The following ARRB1 variants were observed in gnomAD, a reference collection of about 807,000 sequenced individuals.
The protein encoded by ARRB1 is beta-arrestin-1.
ARRB1 carries 21 observed loss-of-function variants against 56.8 expected under a neutral mutation model. The ratio of observed to expected loss-of-function variants is 0.37; its 90% confidence interval spans 0.26 to 0.53. The LOEUF (loss-of-function observed/expected upper bound fraction) is 0.53, where lower values mean the gene tolerates loss of function less well. ARRB1 is among the 20% of genes least tolerant of loss of function. The pLI is 0.88. For synonymous variants in ARRB1, 210 were observed against 218.6 expected (o/e 0.96, Z 0.35); for missense variants, 424 against 553.7 (o/e 0.77, Z 2.35).
rs1945796055 is a variant in ARRB1, at chr11:75,261,737, T to C, written c.*4426A>G. 1.3e-5 allele frequency: 2 copies of C among 152,246 alleles called. No individual in the cohort carries two copies. The highest frequency in any genetic ancestry group is 6.5e-5 in the Admixed American group (1 of 15,274). The allele number at this position is 152,246 out of a possible 1,614,324, so 9.4% of individuals were successfully genotyped here. On this transcript the variant is annotated 3_prime_UTR_variant, in exon 16 of 16. Transcript: ENST00000420843. ...TGGTAGAGGTGGGGTCCTGCCACTT[T>C]CGTCCAGGAGGAATGGCAGAAGAGA... is the stretch of plus-strand genomic sequence containing the variant.
chr11:75,308,736 A>C (rs1474882783), intron 1 of ARRB1, among the ~76,000 whole-genome samples: 2 of 150,644 alleles, frequency 1.3e-5, no homozygotes, highest in Non-Finnish European at 3.0e-5. Context: ...CAGAGTGAGA[A>C]TCCATCTCAA....
chr11:75,290,730 C>G (rs1018874333), intron 1 of ARRB1, among the ~76,000 whole-genome samples: 30 of 152,158 alleles, frequency 2.0e-4, no homozygotes, highest in Non-Finnish European at 3.7e-4. Context: ...CACAGGCACA[C>G]GCCACCACCC....
At chr11:75,347,276 G>A (rs939694328) in intron 1 of ARRB1, among the ~76,000 whole-genome samples, 2 of 152,198 alleles carry the variant, frequency 1.3e-5, no homozygotes, top group African/African-American at 4.8e-5. Context: ...GGCCCCATGA[G>A]CAGCCCTGGC....
chr11:75,295,615 C>T (rs1396241018), intron 1 of ARRB1, among the ~76,000 whole-genome samples: 1 of 152,192 alleles, frequency 6.6e-6, no homozygotes, highest in East Asian at 1.9e-4. Flanking sequence ...CATCTGCAAC[C>T]GTCATTACCC....
At chr11:75,283,660 C>G (rs747397008) in intron 4 of ARRB1, among the ~76,000 whole-genome samples, 177 bp from the exon 5 acceptor site, 2 of 152,196 alleles carry the variant, frequency 1.3e-5, no homozygotes, top group East Asian at 3.9e-4. Flanking sequence ...CGGAAGGATG[C>G]CATGGCCTGG....
chr11:75,287,378 G>A lies in ARRB1; in HGVS notation c.52-3C>T, dbSNP rs35232368. ...CGCTTTCCCAGGTAGACGGTGAGCT[G>A]AGGAGGAGAGGCATAGGGGGCGTTA... On this transcript the variant is annotated splice_region_variant and splice_polypyrimidine_tract_variant and intron_variant, in intron 2 of 15. Coordinates refer to ENST00000420843, the MANE Select transcript of ARRB1 (RefSeq NM_004041.5). The A allele has an allele frequency of 8.5e-4, 1,326 of 1,558,610 alleles. 14 individuals are homozygous for A. In the African/African-American group the frequency reaches 0.015, roughly 18 times the overall value.
intron 15 of ARRB1, among the ~76,000 whole-genome samples, chr11:75,266,647 C>T (rs1057130899): frequency 6.6e-6 from 1 of 152,174 alleles, no homozygotes; most frequent in African/African-American, 2.4e-5. Context: ...GGCCAGGCCA[C>T]CAGTAGTTTC....
chr11:75,272,608 G>A (rs1394409821), intron 12 of ARRB1, among the ~76,000 whole-genome samples: 2 of 152,136 alleles, frequency 1.3e-5, no homozygotes, highest in Middle Eastern at 3.2e-3. Context: ...CGTCCCCTGG[G>A]CATGGCCAAT....
At position 75,268,241 on chromosome 11, in the gene ARRB1, A is replaced by T. The variant is rs1035953536; in HGVS notation, c.1094-538T>A. ...CAGGCCAGGCCAGGCATGGTAGCTCATGCCTGTAATCCCAGCACTTTGGGA... is the reference window on the plus strand; with the variant it reads ...CAGGCCAGGCCAGGCATGGTAGCTCTTGCCTGTAATCCCAGCACTTTGGGA... On this transcript the variant is annotated intron_variant, in intron 14 of 15. Coordinates refer to ENST00000420843, the MANE Select transcript of ARRB1 (RefSeq NM_004041.5). Among the ~76,000 whole-genome samples the T allele has an allele frequency of 7.9e-5, 12 of 152,252 alleles. No homozygotes were observed. In the East Asian group the frequency reaches 9.7e-4, roughly 12 times the overall value.
At chr11:75,292,309 T>G (rs1196867946) in intron 1 of ARRB1, among the ~76,000 whole-genome samples, 1 of 152,044 alleles carries the variant, frequency 6.6e-6, no homozygotes, top group Non-Finnish European at 1.5e-5. Flanking sequence ...CAGGCTAATT[T>G]TTGTATTTTT....
chr11:75,320,620 C>CTCA (rs1947333289), intron 1 of ARRB1, among the ~76,000 whole-genome samples: 1 of 152,222 alleles, frequency 6.6e-6, no homozygotes, highest in Admixed American at 6.5e-5. Flanking sequence ...ATGGGCTCCA[C>CTCA]ATGGTAACTC....
Position 75,266,111 on chromosome 11 carries a change from T to C in ARRB1, c.*52A>G, listed in dbSNP as rs1945900923. On this transcript the variant is annotated 3_prime_UTR_variant, in exon 16 of 16. Coordinates refer to ENST00000420843, the MANE Select transcript of ARRB1 (RefSeq NM_004041.5). ...AGAACAGGAAGAAGACGAGTAAGCA[T>C]CCGAGTGCACGAGAGTGGAGCCGGA... 2.8e-6 allele frequency: 4 copies of C among 1,412,542 alleles called. 1 individual carries two copies. In the African/African-American group the frequency reaches 5.6e-5, roughly 20 times the overall value. 87.5% of individuals were successfully genotyped at this position (1,412,542 alleles called of 1,614,324 possible). A position where few individuals can be genotyped will look rare whatever the true frequency, so the allele number is the denominator to read the frequency against.
intron 12 of ARRB1, 27 bp from the exon 13 acceptor site, chr11:75,271,751 A>T: frequency 6.4e-7 from 1 of 1,565,778 alleles, no homozygotes; most frequent in Non-Finnish European, 8.7e-7. Flanking sequence ...AGGCAGGAGA[A>T]GTGGTCAGGA....
chr11:75,268,409 G>A (rs2140395658), intron 14 of ARRB1, among the ~76,000 whole-genome samples: 1 of 150,954 alleles, frequency 6.6e-6, no homozygotes, highest in South Asian at 2.1e-4. Context: ...GGAGGCTGAG[G>A]CAGGAGAATC....
Position 75,261,184 on chromosome 11 carries a change from G to A in ARRB1, c.*4979C>T, listed in dbSNP as rs1218460693. ...TAGAAAAACCATCAACTATGTACGTGTGTGTGTGTGTGTGTGTGTGTGTGT... is the reference window on the plus strand; with the variant it reads ...TAGAAAAACCATCAACTATGTACGTATGTGTGTGTGTGTGTGTGTGTGTGT... On this transcript the variant is annotated 3_prime_UTR_variant, in exon 16 of 16. Transcript: ENST00000420843. 7.1e-4 allele frequency: 7 copies of A among 9,898 alleles called. No individual in the cohort carries two copies. Among genetic ancestry groups the A allele is most frequent in the Admixed American group, 7.1e-3 (5 of 708 alleles). 0.6% of individuals were successfully genotyped at this position (9,898 alleles called of 1,614,324 possible).
In ARRB1 at chr11:75,351,618, G is replaced by C; in HGVS notation, c.-11C>G. 1 of 1,412,778 alleles carries C rather than the reference G, an allele frequency of 7.1e-7. No individual in the cohort carries two copies. Among genetic ancestry groups the C allele is most frequent in the Non-Finnish European group, 9.2e-7 (1 of 1,081,898 alleles). The allele number at this position is 1,412,778 out of a possible 1,614,324, so 87.5% of individuals were successfully genotyped here. On this transcript the variant is annotated 5_prime_UTR_variant, in exon 1 of 16. Transcript: ENST00000420843. Reference sequence around the variant, plus strand: ...CCCTTTGTCGCCCATGGTCCGCGACGGTCGCAGGGAGGTCCGCGGCGTCAG... The same window carrying C: ...CCCTTTGTCGCCCATGGTCCGCGACCGTCGCAGGGAGGTCCGCGGCGTCAG...
At chr11:75,306,728 TA>T in intron 1 of ARRB1, 1 of 1,200,914 alleles carries the variant, frequency 8.3e-7, no homozygotes, top group African/African-American at 1.6e-5. Context: ...AGTGAGGGGT[TA>T]GTTACAAAGA....
chr11:75,324,449 G>T (rs1040614452), intron 1 of ARRB1, among the ~76,000 whole-genome samples: 1 of 152,202 alleles, frequency 6.6e-6, no homozygotes, highest in Non-Finnish European at 1.5e-5. Flanking sequence ...GATGAGGTCT[G>T]GCCCCACTCC....
chr11:75,316,214 C>G (rs754977422), intron 1 of ARRB1, among the ~76,000 whole-genome samples: 58 of 151,986 alleles, frequency 3.8e-4, no homozygotes, highest in Non-Finnish European at 5.4e-4. Context: ...GTAATCCCAG[C>G]TACTTGGGAG....
Sources: gnomAD v4.1 joint callset for allele counts (sites outside exome capture counted in the v4.1 genomes callset) on GRCh38, gnomAD v4.1.1 for gene constraint, MANE v1.5 for transcripts, NCBI Gene and HGNC (gene_info 2026-07-23, HGNC 2026-07-21) for gene names.